The following FAAH2 variants were observed in gnomAD, a reference collection of about 807,000 sequenced individuals.
FAAH2 encodes fatty-acid amide hydrolase 2.
A neutral mutation model predicts 36.9 loss-of-function variants in FAAH2; 60 were observed. The observed-to-expected ratio is 1.63, with a 90% CI of 1.32 to 2.02. FAAH2 has a LOEUF of 2.02. Among genes scored for constraint, FAAH2 ranks in the 30% most tolerant of loss-of-function variants. The pLI is 0.00. For missense variants in FAAH2, 689 were observed against 397.5 expected (o/e 1.73, Z -6.23); for synonymous variants, 214 against 143.8 (o/e 1.49, Z -3.49).
the FAAH2 span, among the ~76,000 whole-genome samples, chrX:57,272,642 T>C: frequency 2.7e-5 from 3 of 112,122 alleles, no homozygotes; most frequent in African/African-American, 9.7e-5. Flanking sequence ...CAGAATTTCA[T>C]ATCTAGCCAA....
At chrX:57,222,905 G>A in the FAAH2 span, among the ~76,000 whole-genome samples, 1 of 111,482 alleles carries the variant, frequency 9.0e-6, no homozygotes, top group Non-Finnish European at 1.9e-5. Flanking sequence ...TGCTGGCTAT[G>A]CTATAGTGTC....
intron 10 of FAAH2, among the ~76,000 whole-genome samples, chrX:57,479,442 C>G (rs766273417): frequency 4.2e-4 from 47 of 111,531 alleles, no homozygotes; most frequent in African/African-American, 1.3e-3. Context: ...CAAACAGGGA[C>G]AATTTGACTT....
At chrX:57,247,552 C>A in the FAAH2 span, among the ~76,000 whole-genome samples, 225 of 111,351 alleles carry the variant, frequency 2.0e-3, 2 homozygotes, top group African/African-American at 7.1e-3. Context: ...GGCACTTTAA[C>A]TATATAAGGC....
chrX:57,158,280 G>C, the FAAH2 span, among the ~76,000 whole-genome samples: 9 of 111,839 alleles, frequency 8.0e-5, no homozygotes, highest in Admixed American at 7.6e-4. Flanking sequence ...CCAAGTCTTC[G>C]CTATTGTGAA....
In FAAH2 at chrX:57,431,938, T is replaced by A; in HGVS notation, c.1017T>A (p.Thr339=). The change falls in exon 8 of 11, where the codon ACT becomes ACA. Residue 339 remains threonine (T), a synonymous_variant. Transcript: ENST00000374900. ...TQKKVVVHLE[T]ILGASVQHVK... ...ATAAGGTTGTGGTTCACCTTGAAAC[T>A]ATTCTAGGAGCCTCAGTTCAACATG... 8.3e-7 allele frequency: 1 copy of A among 1,200,900 alleles called. No individual in the cohort carries two copies. Among genetic ancestry groups the A allele is most frequent in the Non-Finnish European group, 1.1e-6 (1 of 888,616 alleles).
chrX:57,373,120 C>T (rs1218397776), intron 5 of FAAH2, among the ~76,000 whole-genome samples: 2 of 111,184 alleles, frequency 1.8e-5, no homozygotes, highest in African/African-American at 3.3e-5. Flanking sequence ...TTTTCTTTAC[C>T]TATTCATTGA....
the FAAH2 span, among the ~76,000 whole-genome samples, chrX:57,276,083 T>C: frequency 9.0e-6 from 1 of 111,679 alleles, no homozygotes; most frequent in Non-Finnish European, 1.9e-5. Context: ...CTAATAGACA[T>C]CTACAGAACT....
chrX:57,328,196 G>A (rs1004434268), intron 3 of FAAH2, among the ~76,000 whole-genome samples: 5 of 111,346 alleles, frequency 4.5e-5, no homozygotes, highest in Admixed American at 9.5e-5. Context: ...TCGTTCCTCC[G>A]GAAGTTTTGT....
chrX:57,350,001 G>T (rs923206155), intron 5 of FAAH2, among the ~76,000 whole-genome samples: 4 of 110,336 alleles, frequency 3.6e-5, no homozygotes, highest in Non-Finnish European at 5.7e-5. Context: ...TTTAAAAACA[G>T]CAAGAGAAAG....
At chrX:57,356,545 T>G (rs1311422861) in intron 5 of FAAH2, among the ~76,000 whole-genome samples, 11 of 110,833 alleles carry the variant, frequency 9.9e-5, no homozygotes, top group Non-Finnish European at 5.7e-5. Context: ...TGATCTATAT[T>G]TTTTAATGTA....
At chrX:57,378,956 G>A (rs2054762480) in intron 6 of FAAH2, among the ~76,000 whole-genome samples, 170 bp downstream of exon 6, 1 of 111,868 alleles carries the variant, frequency 8.9e-6, no homozygotes, top group African/African-American at 3.2e-5. Context: ...TTCACAAATT[G>A]GAAAGATGCC....
chrX:57,310,512 A>T, intron 2 of FAAH2, 81 bp from the exon 3 acceptor site: 1 of 1,026,690 alleles, frequency 9.7e-7, no homozygotes, highest in South Asian at 2.6e-5. Flanking sequence ...ACATATTAAC[A>T]TGTTGATATG....
chrX:57,288,621 A>G (rs1218102340), intron 1 of FAAH2, among the ~76,000 whole-genome samples: 2 of 110,331 alleles, frequency 1.8e-5, no homozygotes, highest in Non-Finnish European at 3.8e-5. Context: ...AAGTGCTGGA[A>G]TTACAGGTGT....
chrX:57,434,248 G>C (rs1287202519), intron 8 of FAAH2, among the ~76,000 whole-genome samples: 1 of 108,553 alleles, frequency 9.2e-6, no homozygotes. Context: ...GCTAATTTTT[G>C]TATTTTTAGT....
At chrX:57,443,123 C>A (rs1161805531) in intron 8 of FAAH2, among the ~76,000 whole-genome samples, 1 of 111,631 alleles carries the variant, frequency 9.0e-6, no homozygotes, top group African/African-American at 3.3e-5. Flanking sequence ...ATCTTTGCAG[C>A]ATTCTCTGTA....
At chrX:57,347,057 G>T (rs2053841856) in intron 5 of FAAH2, among the ~76,000 whole-genome samples, 2 of 111,043 alleles carry the variant, frequency 1.8e-5, no homozygotes, top group East Asian at 2.8e-4. Context: ...TGGTCATCTT[G>T]TATAGTACCT....
At chrX:57,479,953 A>G (rs2057349313) in intron 10 of FAAH2, among the ~76,000 whole-genome samples, 3 of 111,982 alleles carry the variant, frequency 2.7e-5, no homozygotes, top group Non-Finnish European at 5.6e-5. Flanking sequence ...CCACAGGAAT[A>G]CAAACTACCA....
the FAAH2 span, among the ~76,000 whole-genome samples, chrX:57,249,372 C>T: frequency 5.4e-5 from 6 of 111,916 alleles, no homozygotes; most frequent in Admixed American, 9.5e-5. Context: ...GAACTTAAAG[C>T]CTGATAAAAT....
chrX:57,267,328 G>A, the FAAH2 span, among the ~76,000 whole-genome samples: 1 of 112,942 alleles, frequency 8.9e-6, no homozygotes, highest in African/African-American at 3.2e-5. Flanking sequence ...CTGGCACAGA[G>A]CCAGTAAGCC....
Sources: allele counts gnomAD v4.1 joint callset (sites outside exome capture counted in the v4.1 genomes callset), GRCh38; gene constraint gnomAD v4.1.1; transcripts MANE v1.5; gene names NCBI Gene and HGNC (gene_info 2026-07-23, HGNC 2026-07-21).